The following ARG2 variants were observed in gnomAD, a reference collection of about 807,000 sequenced individuals.
ARG2 encodes arginase-2, mitochondrial.
In ARG2, 21 loss-of-function variants were observed where a neutral mutation model predicts 39.4. That is an observed-to-expected ratio of 0.53 (90% CI 0.38 to 0.77). The LOEUF (loss-of-function observed/expected upper bound fraction) is 0.77, where lower values mean the gene tolerates loss of function less well. Ranked by LOEUF, ARG2 falls within the 30% of genes least tolerant of loss-of-function variation. The pLI is 0.00. For synonymous variants in ARG2, 150 were observed against 156.7 expected (o/e 0.96, Z 0.32); for missense variants, 378 against 426.2 (o/e 0.89, Z 1.00).
At chr14:67,642,461 C>A in intron 3 of ARG2, 98 bp downstream of exon 3, 2 of 1,372,024 alleles carry the variant, frequency 1.5e-6, no homozygotes, top group Non-Finnish European at 2.0e-6. Flanking sequence ...GAGAAAAATA[C>A]CCTACAGAAT....
chr14:67,646,702 T>C lies in ARG2; in HGVS notation c.581T>C (p.Val194Ala), dbSNP rs745940541. 3.1e-6 allele frequency: 5 copies of C among 1,613,890 alleles called. No individual in the cohort carries two copies. The highest frequency in any genetic ancestry group is 4.2e-6 in the Non-Finnish European group (5 of 1,179,798). ...CCTTGTATCTCTTCTGCAAGTATTG[T>C]GTATATTGGTCTGAGAGACGTGGAC... ...IKPCISSASIVYIGLRDVDPP... is the reference protein window; with the variant it reads ...IKPCISSASIAYIGLRDVDPP... Residue 194 changes from valine (V) to alanine (A), a missense_variant, in exon 5 of 8, where the codon GTG becomes GCG. Val to Ala is a moderately conservative substitution (Grantham distance 64). Transcript: ENST00000261783.
chr14:67,647,170 AAC>A (rs1295093293), intron 6 of ARG2, 145 bp downstream of exon 6: 6 of 565,780 alleles, frequency 1.1e-5, no homozygotes, highest in East Asian at 2.9e-5. Flanking sequence ...CAAAATTTGA[AAC>A]ACAGGTCATA....
At chr14:67,645,360 G>A (rs940890122) in intron 3 of ARG2, among the ~76,000 whole-genome samples, 2 of 152,100 alleles carry the variant, frequency 1.3e-5, no homozygotes, top group African/African-American at 4.8e-5. Flanking sequence ...TCTTTTCTGA[G>A]CAGGGCTAAT....
Position 67,650,950 on chromosome 14 carries a change from C to G in ARG2, c.*30C>G. 6.3e-7 allele frequency: 1 copy of G among 1,597,924 alleles called. No homozygotes were observed. The highest frequency in any genetic ancestry group is 1.1e-5 in the South Asian group (1 of 90,484). ...CACTGTGCACTGACATGTTTCACAA[C>G]AGGCATTCCAGAATTATGAGGCATT... On this transcript the variant is annotated 3_prime_UTR_variant, in exon 8 of 8. Coordinates refer to ENST00000261783, the MANE Select transcript of ARG2 (RefSeq NM_001172.4).
chr14:67,648,156 T>C lies in ARG2; in HGVS notation c.832T>C (p.Tyr278His), dbSNP rs1283820389. 3.1e-6 allele frequency: 5 copies of C among 1,613,912 alleles called. No individual in the cohort carries two copies. The highest frequency in any genetic ancestry group is 1.1e-5 in the South Asian group (1 of 91,076). Reference protein sequence around the residue: ...VGGLTYREGMYIAEEIHNTGL... With the variant: ...VGGLTYREGMHIAEEIHNTGL... ...GGGACTAACCTATCGAGAAGGCATG[T>C]ATATTGCTGAGGAAATACACAATAC... The change falls in exon 7 of 8, where the codon TAT (tyrosine) becomes CAT (histidine). Residue 278 changes from tyrosine to histidine, a missense_variant. Transcript: ENST00000261783.
Position 67,646,937 on chromosome 14 carries a change from T to A in ARG2, c.634T>A (p.Tyr212Asn), listed in dbSNP as rs779248770. Residue 212 changes from tyrosine to asparagine, a missense_variant, in exon 6 of 8, where the codon TAT (tyrosine) becomes AAT (asparagine). Transcript: ENST00000261783. The part of the protein sequence containing the change: ...DPPEHFILKN[Y>N]DIQYFSMRDI... The stretch of plus-strand genomic sequence containing the variant: ...TCATCACAGTTTTATTTTAAAGAAC[T>A]ATGATATCCAGTATTTTTCCATGAG... 6 of 1,605,038 alleles carry A rather than the reference T, an allele frequency of 3.7e-6. No individual in the cohort carries two copies. Among genetic ancestry groups the A allele is most frequent in the Non-Finnish European group, 5.1e-6 (6 of 1,171,964 alleles).
In ARG2 at chr14:67,648,175, A is replaced by G. The variant is rs1169829130; in HGVS notation, c.851A>G (p.His284Arg). ...REGMYIAEEI[H>R]NTGLLSALDL... Reference sequence around the variant, plus strand: ...GGCATGTATATTGCTGAGGAAATACACAATACAGGTATGTAGCAACCAGGT... The same window carrying G: ...GGCATGTATATTGCTGAGGAAATACGCAATACAGGTATGTAGCAACCAGGT... The change falls in exon 7 of 8, where the codon CAC becomes CGC. Residue 284 changes from histidine to arginine, a missense_variant. Physicochemically the swap from His to Arg is conservative, Grantham distance 29. Transcript: ENST00000261783. The G allele has an allele frequency of 3.7e-6, 6 of 1,613,698 alleles. No individual in the cohort carries two copies. Among genetic ancestry groups the G allele is most frequent in the Non-Finnish European group, 5.1e-6 (6 of 1,179,822 alleles).
rs1018256857 is a variant in ARG2 at position 67,646,691 on chromosome 14, T to C, written c.570T>C (p.Ser190=). ...GFSWIKPCIS[S]ASIVYIGLRD... ...CCTGGATCAAACCTTGTATCTCTTC[T>C]GCAAGTATTGTGTATATTGGTCTGA... The change falls in exon 5 of 8, where the codon TCT becomes TCC. Residue 190 remains serine (S), a synonymous_variant. Transcript: ENST00000261783. 4 of 1,613,730 alleles carry C rather than the reference T, an allele frequency of 2.5e-6. No individual in the cohort carries two copies. Among genetic ancestry groups the C allele is most frequent in the Non-Finnish European group, 3.4e-6 (4 of 1,179,750 alleles).
rs561624161 is a variant in ARG2, at chr14:67,643,618, G to T, written c.362+1255G>T. On this transcript the variant is annotated intron_variant, in intron 3 of 7. Coordinates refer to ENST00000261783, the MANE Select transcript of ARG2 (RefSeq NM_001172.4). ...GTGGGAGGATTGCTTGAGCCCAGGA[G>T]TTTGAGGCCAGTCTGGGCAACACAG... 1.6e-3 allele frequency among the ~76,000 whole-genome samples: 240 copies of T among 152,268 alleles called. 2 individuals are homozygous for T. The highest frequency in any genetic ancestry group is 4.4e-3 in the Admixed American group (67 of 15,296).
At chr14:67,635,793 A>C (rs1022407334) in intron 2 of ARG2, among the ~76,000 whole-genome samples, 1 of 152,214 alleles carries the variant, frequency 6.6e-6, no homozygotes, top group African/African-American at 2.4e-5. Flanking sequence ...TGGAGGTTGC[A>C]GTGAGCCAAG....
intron 2 of ARG2, among the ~76,000 whole-genome samples, chr14:67,635,534 G>C (rs1051933703): frequency 6.6e-6 from 1 of 152,162 alleles, no homozygotes; most frequent in African/African-American, 2.4e-5. Context: ...CTTGTTCTAA[G>C]AATTAGCAGT....
chr14:67,623,218 TC>T (rs2036829062), intron 2 of ARG2, among the ~76,000 whole-genome samples: 1 of 152,214 alleles, frequency 6.6e-6, no homozygotes, highest in African/African-American at 2.4e-5. Flanking sequence ...TTGGCTAATC[TC>T]CTGGAATATA....
chr14:67,645,384 C>T (rs1333833109), intron 3 of ARG2, among the ~76,000 whole-genome samples: 4 of 152,186 alleles, frequency 2.6e-5, no homozygotes, highest in South Asian at 2.1e-4. Context: ...TAAAATTATA[C>T]GGATTTGGGG....
In ARG2 at chr14:67,642,319, T is replaced by C; in HGVS notation, c.318T>C (p.Ala106=). 1.2e-6 allele frequency: 2 copies of C among 1,614,090 alleles called. No homozygotes were observed. The highest frequency in any genetic ancestry group is 1.7e-6 in the Non-Finnish European group (2 of 1,179,996). The change falls in exon 3 of 8, where the codon GCT becomes GCC. Residue 106 remains alanine (A), a synonymous_variant. Transcript: ENST00000261783. ...NQELAEVVSR[A]VSDGYSCVTL... ...AACTGGCTGAGGTGGTTAGCAGAGC[T>C]GTGTCAGATGGCTACAGCTGTGTCA...
At chr14:67,626,658 C>T (rs2036869397) in intron 2 of ARG2, among the ~76,000 whole-genome samples, 2 of 152,116 alleles carry the variant, frequency 1.3e-5, no homozygotes, top group African/African-American at 4.8e-5. Flanking sequence ...TTTAATTTTG[C>T]CATGTTGGCC....
intron 4 of ARG2, 96 bp downstream of exon 4, chr14:67,645,898 G>A (rs750814917): frequency 3.1e-5 from 43 of 1,390,944 alleles, no homozygotes; most frequent in Admixed American, 2.7e-4. Context: ...GGTGGGTTGA[G>A]TGTGGATTAC....
At chr14:67,623,426 T>C (rs1242660716) in intron 2 of ARG2, among the ~76,000 whole-genome samples, 1 of 152,190 alleles carries the variant, frequency 6.6e-6, no homozygotes, top group African/African-American at 2.4e-5. Context: ...TACCATAGCA[T>C]GAGTTAAATT....
chr14:67,631,466 C>T (rs556760352), intron 2 of ARG2, among the ~76,000 whole-genome samples: 6 of 130,280 alleles, frequency 4.6e-5, no homozygotes, highest in Middle Eastern at 4.9e-3. Flanking sequence ...GACAGGGTCT[C>T]ACTCTGTCAT....
At chr14:67,645,979 C>T (rs1370524919) in intron 4 of ARG2, among the ~76,000 whole-genome samples, 177 bp downstream of exon 4, 1 of 152,160 alleles carries the variant, frequency 6.6e-6, no homozygotes, top group Non-Finnish European at 1.5e-5. Flanking sequence ...AAAGACTAGA[C>T]ATAGTCTCTG....
Sources: gnomAD v4.1 joint callset for allele counts (sites outside exome capture counted in the v4.1 genomes callset) on GRCh38, gnomAD v4.1.1 for gene constraint, MANE v1.5 for transcripts, NCBI Gene and HGNC (gene_info 2026-07-23, HGNC 2026-07-21) for gene names.